GRM5: variants seen among roughly 807,000 people sequenced by gnomAD.
GRM5 encodes glutamate metabotropic receptor 5.
A neutral mutation model predicts 83.1 loss-of-function variants in GRM5; 19 were observed. The ratio of observed to expected loss-of-function variants is 0.23; its 90% CI spans 0.16 to 0.34. The LOEUF is 0.34. Ranked by LOEUF, GRM5 falls within the 10% of genes least tolerant of loss-of-function variation. The probability of loss-of-function intolerance (pLI) is 1.00; values close to 1 mark genes in which losing one functional copy is unlikely to be tolerated. For synonymous variants in GRM5, 675 were observed against 633.6 expected, an observed-to-expected ratio of 1.07 and a Z score of -0.98; for missense variants, 1,160 against 1,588.3, an observed-to-expected ratio of 0.73 and a Z score of 4.58.
intron 3 of GRM5, among the ~76,000 whole-genome samples, chr11:88,848,435 AG>A (rs958865838): frequency 1.3e-5 from 2 of 152,324 alleles, no homozygotes; most frequent in African/African-American, 4.8e-5. Flanking sequence ...TGGAAAATGA[AG>A]GAAGTACATT....
chr11:88,977,506 T>C, intron 2 of GRM5, among the ~76,000 whole-genome samples: 1 of 152,148 alleles, frequency 6.6e-6, no homozygotes. Context: ...CCAAAGTCTT[T>C]AAAAAACTGA....
At chr11:89,024,365 G>A (rs1425148595) in intron 2 of GRM5, among the ~76,000 whole-genome samples, 1 of 152,168 alleles carries the variant, frequency 6.6e-6, no homozygotes, top group Non-Finnish European at 1.5e-5. Flanking sequence ...TCCCTCAACT[G>A]CACCATCACT....
chr11:88,949,158 G>C (rs560150615), intron 2 of GRM5, among the ~76,000 whole-genome samples: 1 of 152,328 alleles, frequency 6.6e-6, no homozygotes, highest in Non-Finnish European at 1.5e-5. Flanking sequence ...TGTAATAAAA[G>C]TACAGTGCCT....
At chr11:88,558,426 T>C (rs1378013679) in intron 8 of GRM5, among the ~76,000 whole-genome samples, 1 of 152,096 alleles carries the variant, frequency 6.6e-6, no homozygotes, top group Non-Finnish European at 1.5e-5. Context: ...TAAGCACCTG[T>C]TGAATGCCAT....
intron 3 of GRM5, among the ~76,000 whole-genome samples, chr11:88,707,926 C>T (rs980985059): frequency 2.6e-5 from 4 of 151,992 alleles, no homozygotes; most frequent in African/African-American, 9.7e-5. Flanking sequence ...ACTCTGTTAC[C>T]ATCACTGGAA....
intron 3 of GRM5, among the ~76,000 whole-genome samples, chr11:88,771,585 C>T (rs1355108463): frequency 2.6e-5 from 4 of 152,060 alleles, no homozygotes; most frequent in South Asian, 2.1e-4. Context: ...TTCTAATGGG[C>T]GCTGGATGGT....
At chr11:88,927,329 C>G (rs758258910) in intron 2 of GRM5, among the ~76,000 whole-genome samples, 7 of 152,010 alleles carry the variant, frequency 4.6e-5, no homozygotes, top group Non-Finnish European at 7.4e-5. Flanking sequence ...GAAGTAAAAC[C>G]TCAGACTTAG....
chr11:88,629,993 C>T (rs373653317), intron 4 of GRM5, among the ~76,000 whole-genome samples: 1 of 152,122 alleles, frequency 6.6e-6, no homozygotes, highest in Non-Finnish European at 1.5e-5. Context: ...CTTTGGTCTC[C>T]CATCTGTTTC....
chr11:88,846,774 A>G (rs1365962955), intron 3 of GRM5, among the ~76,000 whole-genome samples: 7 of 152,140 alleles, frequency 4.6e-5, no homozygotes, highest in African/African-American at 1.4e-4. Context: ...GATTTTCAGA[A>G]TATCTGTAAA....
At chr11:88,533,207 A>C (rs1003639129) in intron 8 of GRM5, among the ~76,000 whole-genome samples, 8 of 152,104 alleles carry the variant, frequency 5.3e-5, no homozygotes, top group African/African-American at 1.9e-4. Flanking sequence ...CTCCCTGACT[A>C]TCTCTCTGAT....
At chr11:89,042,549 T>A (rs916032105) in intron 2 of GRM5, among the ~76,000 whole-genome samples, 1 of 152,202 alleles carries the variant, frequency 6.6e-6, no homozygotes, top group Non-Finnish European at 1.5e-5. Flanking sequence ...ATTATTACCA[T>A]GATCATCCCA....
intron 2 of GRM5, among the ~76,000 whole-genome samples, chr11:89,042,310 G>A (rs1591071851): frequency 6.6e-6 from 1 of 152,058 alleles, no homozygotes; most frequent in South Asian, 2.1e-4. Context: ...GTAGAAAAAT[G>A]GCAAAAAGGA....
chr11:89,049,417 G>A (rs963410227), intron 1 of GRM5, among the ~76,000 whole-genome samples: 4 of 152,158 alleles, frequency 2.6e-5, no homozygotes, highest in Admixed American at 2.6e-4. Flanking sequence ...AACTTTGCCA[G>A]CCAAGGATCT....
chr11:88,890,500 T>C (rs1359032079), intron 2 of GRM5, among the ~76,000 whole-genome samples: 3 of 138,488 alleles, frequency 2.2e-5, no homozygotes, highest in Non-Finnish European at 5.1e-5. Context: ...AGAGCTCTAA[T>C]TAATTGGCTT....
At chr11:88,846,398 A>C (rs1485445984) in intron 3 of GRM5, among the ~76,000 whole-genome samples, 1 of 152,244 alleles carries the variant, frequency 6.6e-6, no homozygotes, top group Non-Finnish European at 1.5e-5. Context: ...AGGGACCTGA[A>C]CAGGATATTT....
In GRM5 at chr11:88,610,066, T is replaced by C. The variant is rs112317309; in HGVS notation, c.1148-5102A>G. ...GTAAATGTGTGGCTTTGTTTCTGGG[T>C]TCTATATTCTGTTTCACTGGCCTAT... On this transcript the variant is annotated intron_variant, in intron 4 of 9. Coordinates refer to ENST00000305447, the MANE Select transcript of GRM5 (RefSeq NM_001143831.3). Among the ~76,000 whole-genome samples the C allele has an allele frequency of 4.4e-4, 67 of 152,286 alleles. 3 individuals carry two copies. The highest frequency in any genetic ancestry group is 1.6e-3 in the African/African-American group (65 of 41,572).
intron 2 of GRM5, among the ~76,000 whole-genome samples, chr11:89,011,425 A>C (rs1940695663): frequency 6.6e-6 from 1 of 152,208 alleles, no homozygotes; most frequent in African/African-American, 2.4e-5. Flanking sequence ...AAGGGAGACG[A>C]CATCTTCATT....
At chr11:88,922,804 GA>G (rs1219972906) in intron 2 of GRM5, among the ~76,000 whole-genome samples, 1 of 151,996 alleles carries the variant, frequency 6.6e-6, no homozygotes, top group Admixed American at 6.6e-5. Context: ...CATAGAATGG[GA>G]AAAATGTTAG....
At chr11:88,813,024 A>G (rs1440515723) in intron 3 of GRM5, among the ~76,000 whole-genome samples, 1 of 152,032 alleles carries the variant, frequency 6.6e-6, no homozygotes, top group Non-Finnish European at 1.5e-5. Context: ...TGAATTTCAT[A>G]TATTTATATT....
Sources: gnomAD v4.1 joint callset for allele counts (sites outside exome capture counted in the v4.1 genomes callset) on GRCh38, gnomAD v4.1.1 for gene constraint, MANE v1.5 for transcripts, NCBI Gene and HGNC (gene_info 2026-07-23, HGNC 2026-07-21) for gene names.